TNS1: variants seen among roughly 807,000 people sequenced by gnomAD.
TNS1 encodes tensin 1.
Under a neutral mutation model 168.6 loss-of-function variants are expected in TNS1, and 62 were observed. The observed-to-expected ratio is 0.37, with a 90% CI of 0.30 to 0.45. TNS1 has a LOEUF of 0.45. Ranked by LOEUF, TNS1 falls within the 20% of genes least tolerant of loss-of-function variation. The pLI is 1.00. For missense variants in TNS1, 2,240 were observed against 2,339.4 expected, an observed-to-expected ratio of 0.96 and a Z score of 0.88; for synonymous variants, 934 against 933.2, an observed-to-expected ratio of 1.00 and a Z score of -0.02.
Position 217,995,338 on chromosome 2 carries a change from A to T in TNS1, c.34-4282T>A, listed in dbSNP as rs1470310259. The stretch of plus-strand genomic sequence containing the variant: ...TGAGCCTCCTATCCTCAAATATATG[A>T]AGGAACAGTTATTGTAAGTAGGCAC... On this transcript the variant is annotated intron_variant, in intron 1 of 32. Transcript: ENST00000682258. The surrounding 1 kb of genome is among the most constrained non-coding windows in gnomAD (Gnocchi z 4.1). 6.6e-6 allele frequency among the ~76,000 whole-genome samples: 1 copy of T among 152,168 alleles called. No individual in the cohort carries two copies. The highest frequency in any genetic ancestry group is 1.5e-5 in the Non-Finnish European group (1 of 68,028).
rs527829393 is a variant in TNS1 at position 217,929,092 on chromosome 2, C to T, written c.187-8856G>A. 5.7e-4 allele frequency among the ~76,000 whole-genome samples: 87 copies of T among 151,456 alleles called. 1 individual carries two copies. The highest frequency in any genetic ancestry group is 1.8e-3 in the African/African-American group (75 of 41,216). On this transcript the variant is annotated intron_variant, in intron 3 of 32. Coordinates refer to ENST00000682258, the MANE Select transcript of TNS1 (RefSeq NM_001387777.1). ...GAAGCTGACAACAACAAGGGGAACT[C>T]GGGGGGACCAGCAGGCCAAGCTGTG... is the stretch of plus-strand genomic sequence containing the variant.
chr2:217,808,543 CCACA>C (rs1004629425), intron 31 of TNS1, 56 bp downstream of exon 31: 2 of 1,480,712 alleles, frequency 1.4e-6, no homozygotes, highest in Non-Finnish European at 1.9e-6. Context: ...ATGCATGCAC[CCACA>C]CAGACGTCAG....
At chr2:218,010,596 G>A (rs184494880), upstream of TNS1, among the ~76,000 whole-genome samples, 2,119 of 151,928 alleles carry the variant, frequency 0.014, 31 homozygotes, top group Non-Finnish European at 0.019. Flanking sequence ...GGGGAGCCGC[G>A]CGGGGGAGGC....
intron 21 of TNS1, among the ~76,000 whole-genome samples, chr2:217,832,881 T>G (rs1189801331): frequency 6.6e-6 from 1 of 151,980 alleles, no homozygotes; most frequent in East Asian, 1.9e-4. Context: ...ATGGGATAGC[T>G]CTAGGCCTCA....
intron 13 of TNS1, 128 bp from the exon 14 acceptor site, chr2:217,886,232 G>A (rs771636532): frequency 2.0e-6 from 2 of 996,116 alleles, no homozygotes; most frequent in African/African-American, 1.6e-5. Flanking sequence ...GGAAGGGGAA[G>A]GAGGAAAAGA....
intron 18 of TNS1, chr2:217,850,634 C>T (rs1385382461): frequency 1.3e-4 from 129 of 961,226 alleles, no homozygotes; most frequent in Non-Finnish European, 1.5e-4. Flanking sequence ...CGCACGCACG[C>T]ACCTCCCCTT....
chr2:217,921,313 T>C (rs1317182678), intron 3 of TNS1, among the ~76,000 whole-genome samples: 1 of 152,102 alleles, frequency 6.6e-6, no homozygotes, highest in Non-Finnish European at 1.5e-5. Flanking sequence ...GAACAAGCCA[T>C]GGATGTCCAA....
intron 3 of TNS1, among the ~76,000 whole-genome samples, chr2:217,977,430 G>A (rs555362775): frequency 6.6e-6 from 1 of 152,324 alleles, no homozygotes; most frequent in African/African-American, 2.4e-5. Context: ...AGATGGAGAC[G>A]CCCTCCAGCA....
At chr2:217,922,573 T>C (rs961331420) in intron 3 of TNS1, among the ~76,000 whole-genome samples, 3 of 152,020 alleles carry the variant, frequency 2.0e-5, no homozygotes, top group African/African-American at 7.3e-5. Context: ...AAGCTGGGGA[T>C]TGGAAAAGGG....
rs549132819 is a variant in TNS1, at chr2:218,032,744, C to T, written c.156+1076G>A. Among the ~76,000 whole-genome samples the T allele has an allele frequency of 1.6e-3, 239 of 152,306 alleles. 8 individuals carry two copies. In the South Asian group the frequency reaches 0.045, roughly 29 times the overall value. On this transcript the variant is annotated intron_variant, in intron 1 of 1. Coordinates refer to the TNS1 transcript ENST00000649572. This position sits in a 1 kb window ranked among gnomAD's most constrained non-coding sequence, Gnocchi z 4.0. ...GGGAGCCCCGAGCAGCAGCAACCCT[C>T]ACTGGAGCCAGAGTCAGGGCACAGC...
intron 32 of TNS1, among the ~76,000 whole-genome samples, chr2:217,805,475 C>CCA (rs1559131602): frequency 8.5e-3 from 388 of 45,472 alleles, no homozygotes; most frequent in Middle Eastern, 0.043. Context: ...ACCACACACA[C>CCA]CACACACACC....
At position 217,803,775 on chromosome 2, in the gene TNS1, T is replaced by C. The variant is rs1197365193; in HGVS notation, c.*684A>G. Reference sequence around the variant, plus strand: ...AACCCTAATCTTTGGACAGTATGCATGTGTGTCTACAAACACATGGGACAA... The same window carrying C: ...AACCCTAATCTTTGGACAGTATGCACGTGTGTCTACAAACACATGGGACAA... On this transcript the variant is annotated 3_prime_UTR_variant, in exon 33 of 33. Coordinates refer to ENST00000682258, the MANE Select transcript of TNS1 (RefSeq NM_001387777.1). 1.3e-5 allele frequency: 2 copies of C among 152,782 alleles called. No homozygotes were observed. Among genetic ancestry groups the C allele is most frequent in the Admixed American group, 6.5e-5 (1 of 15,290 alleles). 9.5% of individuals were successfully genotyped at this position (152,782 alleles called of 1,614,324 possible).
chr2:217,966,308 T>TGCGCGC (rs1553621681), intron 3 of TNS1, among the ~76,000 whole-genome samples: 22 of 133,746 alleles, frequency 1.6e-4, no homozygotes, highest in South Asian at 7.3e-4. Context: ...TGTGTGTGTG[T>TGCGCGC]GCGCGCGCGC....
chr2:217,880,985 C>T lies in TNS1; in HGVS notation c.1342G>A (p.Val448Met), dbSNP rs199656363. 50 of 1,613,956 alleles carry T rather than the reference C, an allele frequency of 3.1e-5. No homozygotes were observed. Among genetic ancestry groups the T allele is most frequent in the African/African-American group, 4.0e-5 (3 of 74,900 alleles). Residue 448 changes from valine (V) to methionine (M), a missense_variant, in exon 18 of 33, where the codon GTG becomes ATG. Val to Met is a conservative substitution (Grantham distance 21). Around this residue, in one of 2 missense-constraint regions of TNS1, gnomAD observed 2,131 missense variants for 2,171.2 expected, o/e 0.98. Transcript: ENST00000682258. The surrounding 1 kb of genome is among the most constrained non-coding windows in gnomAD (Gnocchi z 4.2). ...TCGGAGGTGTTATAGTCCACAGACACGCTCGGCCCGTTCTCCAGGTGCTCC... is the reference window on the plus strand; with the variant it reads ...TCGGAGGTGTTATAGTCCACAGACATGCTCGGCCCGTTCTCCAGGTGCTCC... ...GMEHLENGPSVSVDYNTSDPL... is the reference protein window; with the variant it reads ...GMEHLENGPSMSVDYNTSDPL...
At chr2:218,004,870 C>G (rs1332941824), upstream of TNS1, among the ~76,000 whole-genome samples, 3 of 152,220 alleles carry the variant, frequency 2.0e-5, no homozygotes, top group Admixed American at 6.5e-5. Flanking sequence ...GACATTTTAG[C>G]CAACGCTGAA....
intron 32 of TNS1, among the ~76,000 whole-genome samples, chr2:217,806,076 G>A (rs1237872794): frequency 6.6e-6 from 1 of 152,196 alleles, no homozygotes; most frequent in Non-Finnish European, 1.5e-5. Flanking sequence ...AGCAGGGGTG[G>A]GGGTGATCCT....
At chr2:217,821,997 TC>T (rs769315712) in intron 22 of TNS1, 59 bp from the exon 23 acceptor site, 46 of 1,491,354 alleles carry the variant, frequency 3.1e-5, no homozygotes, top group Middle Eastern at 1.7e-4. Flanking sequence ...GCAGTGCAGG[TC>T]CCCCCCAACC....
intron 3 of TNS1, among the ~76,000 whole-genome samples, chr2:217,977,031 A>T (rs1233675037): frequency 6.6e-6 from 1 of 152,200 alleles, no homozygotes; most frequent in Non-Finnish European, 1.5e-5. Context: ...CTTTTGGCCA[A>T]TGTTTTATGC....
chr2:217,805,147 G>C (rs919071301), intron 32 of TNS1, among the ~76,000 whole-genome samples: 2 of 151,772 alleles, frequency 1.3e-5, no homozygotes, highest in Admixed American at 1.3e-4. Context: ...GAAAATAAAA[G>C]GGAAGGTGGA....
Sources: allele counts gnomAD v4.1 joint callset (sites outside exome capture counted in the v4.1 genomes callset), GRCh38; gene constraint gnomAD v4.1.1; regional missense constraint gnomAD v4.1.1; non-coding constraint Gnocchi (gnomAD v3.1); transcripts MANE v1.5; gene names NCBI Gene and HGNC (gene_info 2026-07-23, HGNC 2026-07-21).